The following TRPM3 variants were observed in gnomAD, a reference collection of about 807,000 sequenced individuals.
TRPM3 encodes the protein transient receptor potential cation channel subfamily M member 3, also known as long transient receptor potential channel 3.
Under a neutral mutation model 181.2 loss-of-function variants are expected in TRPM3, and 77 were observed. That is an observed-to-expected ratio of 0.42 (90% CI 0.35 to 0.51). TRPM3 has a LOEUF of 0.51. Among genes scored for constraint, TRPM3 ranks in the 20% least tolerant of loss-of-function variants. The pLI is 0.01. For synonymous variants in TRPM3, 745 were observed against 796.4 expected, an observed-to-expected ratio of 0.94 and a Z score of 1.09; for missense variants, 1,759 against 2,196.7, an observed-to-expected ratio of 0.80 and a Z score of 3.98.
At chr9:71,408,379 C>A (rs1263421002) in intron 1 of TRPM3, among the ~76,000 whole-genome samples, 4 of 152,098 alleles carry the variant, frequency 2.6e-5, no homozygotes, top group Admixed American at 1.3e-4. Flanking sequence ...GAATGGCTAA[C>A]AAGAATAGAG....
chr9:71,169,456 T>C (rs1256107342), intron 1 of TRPM3, among the ~76,000 whole-genome samples: 1 of 152,160 alleles, frequency 6.6e-6, no homozygotes, highest in Admixed American at 6.6e-5. Context: ...AATGTGGCTA[T>C]GCAAACAGAT....
In TRPM3 at chr9:70,619,406, CTTTTTTTT is replaced by C. The variant is rs1170887633; in HGVS notation, c.2130-319_2130-312del. Among the ~76,000 whole-genome samples the C allele has an allele frequency of 2.9e-3, 237 of 81,448 alleles. 2 individuals carry two copies. Among genetic ancestry groups the C allele is most frequent in the Middle Eastern group, 0.023 (2 of 88 alleles). The allele number at this position is 81,448 out of a possible 152,430, so 53.4% of individuals were successfully genotyped here. On this transcript the variant is annotated intron_variant, in intron 16 of 25. Transcript: ENST00000677713. ...GAGTACAGTATGTCATCGTCGTCTT[CTTTTTTTT>C]TTTTTTTTTTTTTTTTTGAGACAGG...
intron 20 of TRPM3, 88 bp from the exon 21 acceptor site, chr9:70,598,758 GT>G: frequency 6.7e-7 from 1 of 1,486,476 alleles, no homozygotes; most frequent in South Asian, 1.3e-5. Context: ...GTTGGCTGAT[GT>G]TAGTAGCTTG....
intron 8 of TRPM3, among the ~76,000 whole-genome samples, chr9:70,701,487 C>T (rs2072549263): frequency 1.3e-5 from 2 of 151,170 alleles, no homozygotes. Context: ...GCATTTAATG[C>T]CTGTGACTGT....
At chr9:70,891,256 C>A (rs559804160) in intron 1 of TRPM3, among the ~76,000 whole-genome samples, 2 of 151,724 alleles carry the variant, frequency 1.3e-5, no homozygotes, top group African/African-American at 2.4e-5. Flanking sequence ...AATAAAAACA[C>A]TGAATACTGA....
chr9:71,377,846 G>A (rs1232217491), intron 1 of TRPM3, among the ~76,000 whole-genome samples: 1 of 151,890 alleles, frequency 6.6e-6, no homozygotes, highest in Non-Finnish European at 1.5e-5. Context: ...ACTATTTTGT[G>A]TCTAGATTCT....
intron 5 of TRPM3, among the ~76,000 whole-genome samples, chr9:70,837,235 T>C (rs1221682800): frequency 6.6e-6 from 1 of 152,220 alleles, no homozygotes; most frequent in African/African-American, 2.4e-5. Flanking sequence ...GTAACAAATG[T>C]ACTGACTTGG....
intron 1 of TRPM3, among the ~76,000 whole-genome samples, chr9:71,208,677 T>C (rs1015207825): frequency 6.6e-6 from 1 of 152,154 alleles, no homozygotes; most frequent in Non-Finnish European, 1.5e-5. Flanking sequence ...AATATGAAAG[T>C]TTCCTAAATT....
chr9:71,403,795 A>G (rs569099032), intron 1 of TRPM3, among the ~76,000 whole-genome samples: 207 of 150,510 alleles, frequency 1.4e-3, no homozygotes, highest in African/African-American at 5.0e-3. Context: ...AGACACCATC[A>G]AAAGAGCTAA....
intron 2 of TRPM3, among the ~76,000 whole-genome samples, chr9:70,864,065 TTTTA>T (rs2132424043): frequency 6.6e-6 from 1 of 152,206 alleles, no homozygotes; most frequent in East Asian, 1.9e-4. Context: ...GCTAGGAGTC[TTTTA>T]TTTAAGTGTC....
chr9:71,268,837 A>G (rs952457111), intron 1 of TRPM3, among the ~76,000 whole-genome samples: 2 of 152,164 alleles, frequency 1.3e-5, no homozygotes, highest in Non-Finnish European at 2.9e-5. Flanking sequence ...AAAGTTTAAA[A>G]AAATTAAAAA....
chr9:71,216,247 A>C (rs1565350744), intron 1 of TRPM3, among the ~76,000 whole-genome samples: 2 of 120,378 alleles, frequency 1.7e-5, no homozygotes, highest in Non-Finnish European at 1.9e-5. Context: ...TGGGAATACT[A>C]ATTATTCTTA....
chr9:70,822,136 G>A (rs1004027266), intron 6 of TRPM3, among the ~76,000 whole-genome samples: 1 of 152,168 alleles, frequency 6.6e-6, no homozygotes, highest in Non-Finnish European at 1.5e-5. Flanking sequence ...ACCAGAAAGT[G>A]TCCCTTCCTA....
chr9:70,590,370 C>T (rs990978718), intron 22 of TRPM3, among the ~76,000 whole-genome samples: 1 of 152,150 alleles, frequency 6.6e-6, no homozygotes, highest in African/African-American at 2.4e-5. Flanking sequence ...GCATTCACTC[C>T]CCACACTGAA....
intron 1 of TRPM3, among the ~76,000 whole-genome samples, chr9:71,370,074 T>G (rs1473828212): frequency 6.6e-6 from 1 of 152,232 alleles, no homozygotes; most frequent in African/African-American, 2.4e-5. Context: ...ATGAAGTTAA[T>G]TGATAAATTC....
intron 9 of TRPM3, among the ~76,000 whole-genome samples, chr9:70,659,946 T>C (rs975423439): frequency 3.3e-5 from 5 of 152,206 alleles, no homozygotes; most frequent in African/African-American, 9.6e-5. Context: ...ATATTGATTT[T>C]CCAAGATTGT....
rs760699967 is a variant in TRPM3 at position 70,615,337 on chromosome 9, G to T, written c.2526+571C>A. Among the ~76,000 whole-genome samples the T allele has an allele frequency of 5.3e-5, 8 of 152,198 alleles. 1 individual carries two copies. Among genetic ancestry groups the T allele is most frequent in the Non-Finnish European group, 8.8e-5 (6 of 68,028 alleles). ...GTGGCAGTCACGCTGCTCAGGCGGG[G>T]GTTGCAAGAAGCTGTCCCATGTCCA... On this transcript the variant is annotated intron_variant, in intron 18 of 25. Transcript: ENST00000677713.
At chr9:70,592,600 CAT>C (rs2058307081) in intron 21 of TRPM3, among the ~76,000 whole-genome samples, 1 of 152,148 alleles carries the variant, frequency 6.6e-6, no homozygotes, top group South Asian at 2.1e-4. Flanking sequence ...TGCATCAAAA[CAT>C]AGAATACAAA....
chr9:70,667,041 A>G (rs1390087097), intron 9 of TRPM3, among the ~76,000 whole-genome samples: 1 of 151,710 alleles, frequency 6.6e-6, no homozygotes, highest in Non-Finnish European at 1.5e-5. Flanking sequence ...AGGCTATTAA[A>G]GACAGTATTG....
Sources: allele counts gnomAD v4.1 joint callset (sites outside exome capture counted in the v4.1 genomes callset), GRCh38; gene constraint gnomAD v4.1.1; transcripts MANE v1.5; gene names NCBI Gene and HGNC (gene_info 2026-07-23, HGNC 2026-07-21).